NIFK: variants seen among roughly 807,000 people sequenced by gnomAD.
NIFK encodes MKI67 FHA domain-interacting nucleolar phosphoprotein.
NIFK carries 16 observed loss-of-function variants against 31.7 expected under a neutral mutation model. That is an observed-to-expected ratio of 0.50 (90% CI 0.34 to 0.77). NIFK has a LOEUF of 0.77. Among genes scored for constraint, NIFK ranks in the 30% least tolerant of loss-of-function variants. The pLI is 0.01. For missense variants in NIFK, 341 were observed against 350.4 expected, an observed-to-expected ratio of 0.97 and a Z score of 0.21; for synonymous variants, 126 against 123.0, an observed-to-expected ratio of 1.02 and a Z score of -0.16.
chr2:121,728,308 CA>C lies in NIFK; in HGVS notation c.672del (p.Glu225ArgfsTer28), dbSNP rs769639838. 111 of 1,606,390 alleles carry C rather than the reference CA, an allele frequency of 6.9e-5. No homozygotes were observed. The African/African-American group carries it at 1.4e-3, about 20-fold the overall frequency. On this transcript the variant is annotated frameshift_variant, in exon 6 of 7. Coordinates refer to ENST00000285814, the MANE Select transcript of NIFK (RefSeq NM_032390.5). LOFTEE classifies it high-confidence loss of function. ...KKKVSGTLDTPEKTVDSQGPT... is the reference protein window; with the variant it reads ...KKKVSGTLDTXEKTVDSQGPT... ...TTTACCTGGCTATCCACAGTCTTCTCAGGAGTGTCAAGAGTACCTGAAACTT... is the reference window on the plus strand; with the variant it reads ...TTTACCTGGCTATCCACAGTCTTCTCGGAGTGTCAAGAGTACCTGAAACTT...
At position 121,726,993 on chromosome 2, in the gene NIFK, A is replaced by C. The variant is rs1288562903; in HGVS notation, c.*731T>G. On this transcript the variant is annotated 3_prime_UTR_variant, in exon 7 of 7. Coordinates refer to ENST00000285814, the MANE Select transcript of NIFK (RefSeq NM_032390.5). The stretch of plus-strand genomic sequence containing the variant: ...GTCTGAATTCGTTAATGAAGGGGAA[A>C]ATTTATTATTTTTTTTTCCCAATGA... 6.3e-6 allele frequency: 1 copy of C among 159,326 alleles called. No homozygotes were observed. Among genetic ancestry groups the C allele is most frequent in the Non-Finnish European group, 1.4e-5 (1 of 72,598 alleles). The allele number at this position is 159,326 out of a possible 1,614,324, so 9.9% of individuals were successfully genotyped here. A position where few individuals can be genotyped will look rare whatever the true frequency, so the allele number is the denominator to read the frequency against.
intron 4 of NIFK, among the ~76,000 whole-genome samples, chr2:121,728,803 G>A (rs1452893342): frequency 6.6e-6 from 1 of 152,150 alleles, no homozygotes; most frequent in Non-Finnish European, 1.5e-5. Context: ...TCAGGAGGGT[G>A]GAAGCAGGAA....
chr2:121,728,658 C>G (rs2074513098), intron 4 of NIFK, 122 bp from the exon 5 acceptor site: 1 of 613,550 alleles, frequency 1.6e-6, no homozygotes, highest in Non-Finnish European at 2.8e-6. Flanking sequence ...TTTAAAAAAT[C>G]AAAACTCATA....
chr2:121,730,517 G>T, intron 4 of NIFK: 1 of 205,494 alleles, frequency 4.9e-6, no homozygotes, highest in Non-Finnish European at 9.8e-6. Context: ...GGCAACAAGG[G>T]TGAAACTCCA....
At chr2:121,735,859 A>AGT in intron 1 of NIFK, 109 bp from the exon 2 acceptor site, 1 of 845,166 alleles carries the variant, frequency 1.2e-6, no homozygotes, top group South Asian at 1.8e-5. Context: ...CACTTACCAC[A>AGT]GTAGTAATTA....
chr2:121,728,611 A>T, intron 4 of NIFK, 75 bp from the exon 5 acceptor site: 1 of 786,806 alleles, frequency 1.3e-6, no homozygotes, highest in East Asian at 2.6e-5. Context: ...CATATATATT[A>T]TCAGTAAATC....
rs1255854141 is a variant in NIFK at position 121,736,746 on chromosome 2, C to T, written c.105G>A (p.Gln35=). Residue 35 remains glutamine, a splice_region_variant and synonymous_variant, in exon 1 of 7, where the codon CAG becomes CAA. Coordinates refer to ENST00000285814, the MANE Select transcript of NIFK (RefSeq NM_032390.5). ...AGCCTGGGCCAGGGTGCCTGCTCAC[C>T]TGGGTTATGCGCTTGCGAACCTGCG... The part of the protein sequence containing the change: ...EVAQVRKRIT[Q]RKKQEQLTPG... The T allele has an allele frequency of 6.2e-7, 1 of 1,613,552 alleles. No individual in the cohort carries two copies. The highest frequency in any genetic ancestry group is 1.1e-5 in the South Asian group (1 of 91,074).
chr2:121,727,496 G>C lies in NIFK; in HGVS notation c.*228C>G, dbSNP rs1361794656. The stretch of plus-strand genomic sequence containing the variant: ...ATATCAAAAGAAAACTAGAGGCCAG[G>C]ACAAAGAGGCAATGTCAGCCAAGCC... On this transcript the variant is annotated 3_prime_UTR_variant, in exon 7 of 7. Coordinates refer to ENST00000285814, the MANE Select transcript of NIFK (RefSeq NM_032390.5). The C allele has an allele frequency of 5.9e-6, 4 of 683,726 alleles. No individual in the cohort carries two copies. Among genetic ancestry groups the C allele is most frequent in the Non-Finnish European group, 1.1e-5 (4 of 365,250 alleles). 42.4% of individuals were successfully genotyped at this position (683,726 alleles called of 1,614,324 possible). A position where few individuals can be genotyped will look rare whatever the true frequency, so the allele number is the denominator to read the frequency against.
intron 4 of NIFK, 51 bp downstream of exon 4, chr2:121,730,842 C>G: frequency 1.6e-6 from 2 of 1,270,800 alleles, no homozygotes; most frequent in Non-Finnish European, 2.3e-6. Context: ...TACAAAGCTG[C>G]CCCCTCCCCT....
At chr2:121,728,003 G>GT (rs1316827225) in intron 6 of NIFK, 91 bp from the exon 7 acceptor site, 1 of 1,207,910 alleles carries the variant, frequency 8.3e-7, no homozygotes, top group African/African-American at 1.6e-5. Context: ...ATTTTTACAA[G>GT]TTGTGCCCCA....
intron 2 of NIFK, among the ~76,000 whole-genome samples, chr2:121,734,425 A>G (rs1309948381): frequency 6.6e-6 from 1 of 152,160 alleles, no homozygotes; most frequent in Non-Finnish European, 1.5e-5. Flanking sequence ...ATAATACCAT[A>G]TGTACATTTA....
rs1249439586 is a variant in NIFK, at chr2:121,730,963, A to C, written c.494T>G (p.Phe165Cys). ...CCTGAGTAATCTTTCTTTCTTTTTA[A>C]ATCGCTCCTCCATCCGTAGCTTTTG... ...LTQKLRMEER[F>C]KKKERLLRKK... Residue 165 changes from phenylalanine to cysteine, a missense_variant, in exon 4 of 7, where the codon TTT becomes TGT. Physicochemically the swap from Phe to Cys is radical, Grantham distance 205. Transcript: ENST00000285814. 9 of 1,613,230 alleles carry C rather than the reference A, an allele frequency of 5.6e-6. No homozygotes were observed. Among genetic ancestry groups the C allele is most frequent in the Non-Finnish European group, 7.6e-6 (9 of 1,179,694 alleles).
intron 4 of NIFK, among the ~76,000 whole-genome samples, chr2:121,729,802 C>A (rs1256700100): frequency 6.6e-6 from 1 of 152,308 alleles, no homozygotes; most frequent in African/African-American, 2.4e-5. Context: ...TAAAACAGAA[C>A]ATGTAAGTTA....
chr2:121,734,287 T>C (rs1201043120), intron 2 of NIFK, among the ~76,000 whole-genome samples: 4 of 151,508 alleles, frequency 2.6e-5, no homozygotes, highest in Non-Finnish European at 5.9e-5. Flanking sequence ...AATAGGAGGG[T>C]GGATAAACTT....
In NIFK at chr2:121,728,228, TCTC is replaced by T. The variant is rs1418401064; in HGVS notation, c.693+57_693+59del. On this transcript the variant is annotated intron_variant, in intron 6 of 6. Coordinates refer to ENST00000285814, the MANE Select transcript of NIFK (RefSeq NM_032390.5). ...TAAAATGAGAGTAGCAGAAACTGCT[TCTC>T]CTCCTTCAAATTATTTCTATAATAT... 2.2e-5 allele frequency: 23 copies of T among 1,035,516 alleles called. No individual in the cohort carries two copies. The Admixed American group carries it at 3.8e-4, about 17-fold the overall frequency. 64.1% of individuals were successfully genotyped at this position (1,035,516 alleles called of 1,614,324 possible). A position where few individuals can be genotyped will look rare whatever the true frequency, so the allele number is the denominator to read the frequency against.
chr2:121,730,009 T>C (rs1003416770), intron 4 of NIFK, among the ~76,000 whole-genome samples: 1 of 152,082 alleles, frequency 6.6e-6, no homozygotes, highest in Non-Finnish European at 1.5e-5. Flanking sequence ...GGTCAAGAGT[T>C]CGAGACCAGA....
At position 121,727,390 on chromosome 2, in the gene NIFK, A is replaced by G. The variant is rs17016977; in HGVS notation, c.*334T>C. 28,426 of 501,494 alleles carry G rather than the reference A, an allele frequency of 0.057. 1,848 individuals carry two copies. Among genetic ancestry groups the G allele is most frequent in the African/African-American group, 0.19 (9,733 of 51,500 alleles). The allele number at this position is 501,494 out of a possible 1,614,324, so 31.1% of individuals were successfully genotyped here. A position where few individuals can be genotyped will look rare whatever the true frequency, so the allele number is the denominator to read the frequency against. On this transcript the variant is annotated 3_prime_UTR_variant, in exon 7 of 7. Coordinates refer to ENST00000285814, the MANE Select transcript of NIFK (RefSeq NM_032390.5). ...GTGGTCTTTAATTGCTGGCGACAGAAAAGGCTGCAGTTTAGTACTTAAACC... is the reference window on the plus strand; with the variant it reads ...GTGGTCTTTAATTGCTGGCGACAGAGAAGGCTGCAGTTTAGTACTTAAACC...
chr2:121,732,871 A>T (rs937278676), intron 2 of NIFK, among the ~76,000 whole-genome samples: 4 of 151,066 alleles, frequency 2.6e-5, no homozygotes, highest in African/African-American at 9.9e-5. Flanking sequence ...TCTCAAGGTC[A>T]GGGGTTTGAG....
At chr2:121,732,237 C>A (rs762608305) in intron 2 of NIFK, 33 bp from the exon 3 acceptor site, 1 of 1,311,600 alleles carries the variant, frequency 7.6e-7, no homozygotes, top group Admixed American at 1.8e-5. Flanking sequence ...AAAAGTAGAA[C>A]AATTAAATTT....
Sources: gnomAD v4.1 joint callset for allele counts (sites outside exome capture counted in the v4.1 genomes callset) on GRCh38, gnomAD v4.1.1 for gene constraint, MANE v1.5 for transcripts, NCBI Gene and HGNC (gene_info 2026-07-23, HGNC 2026-07-21) for gene names.